GFPT2: variants seen among roughly 807,000 people sequenced by gnomAD.
GFPT2 encodes the protein glutamine--fructose-6-phosphate aminotransferase [isomerizing] 2.
GFPT2 carries 62 observed loss-of-function variants against 85.6 expected under a neutral mutation model. The observed-to-expected ratio is 0.72, with a 90% CI of 0.59 to 0.90. The LOEUF is 0.90. GFPT2 is among the 40% of genes least tolerant of loss of function. The pLI, the probability that GFPT2 is intolerant of heterozygous loss-of-function variation, is 0.00. For missense variants in GFPT2, 788 were observed against 893.4 expected, an observed-to-expected ratio of 0.88 and a Z score of 1.50; for synonymous variants, 368 against 344.5, an observed-to-expected ratio of 1.07 and a Z score of -0.75.
At chr5:180,338,173 G>C (rs1031666098) in intron 2 of GFPT2, among the ~76,000 whole-genome samples, 13 of 152,148 alleles carry the variant, frequency 8.5e-5, no homozygotes, top group African/African-American at 2.9e-4. Flanking sequence ...ATACAGTGTT[G>C]CTCAAGTCAG....
chr5:180,327,866 C>T (rs1764237617), intron 7 of GFPT2, among the ~76,000 whole-genome samples: 2 of 152,170 alleles, frequency 1.3e-5, no homozygotes, highest in African/African-American at 2.4e-5. Context: ...CTCTGCTGTA[C>T]TGGATCCAAA....
intron 14 of GFPT2, among the ~76,000 whole-genome samples, chr5:180,312,799 C>CA (rs1763919586): frequency 6.6e-6 from 1 of 151,914 alleles, no homozygotes; most frequent in East Asian, 1.9e-4. Context: ...GTTTTTGAGA[C>CA]AAAGTCTTGC....
intron 13 of GFPT2, 96 bp from the exon 14 acceptor site, chr5:180,314,060 G>A: frequency 2.4e-6 from 3 of 1,269,806 alleles, no homozygotes; most frequent in South Asian, 1.5e-5. Context: ...CAGGGAAATC[G>A]GCGCCCGAGA....
intron 9 of GFPT2, among the ~76,000 whole-genome samples, chr5:180,320,140 C>T (rs953072746): frequency 6.6e-6 from 1 of 151,976 alleles, no homozygotes; most frequent in African/African-American, 2.4e-5. Flanking sequence ...CTACAGGTGC[C>T]CGACACCATG....
At chr5:180,305,111 G>T (rs1763750021) in intron 16 of GFPT2, among the ~76,000 whole-genome samples, 172 bp from the exon 17 acceptor site, 1 of 152,134 alleles carries the variant, frequency 6.6e-6, no homozygotes. Flanking sequence ...CACCCAGCAA[G>T]GGCCTGGGGA....
At position 180,328,364 on chromosome 5, in the gene GFPT2, C is replaced by A; in HGVS notation, c.535-26G>T. ...CTGAAAACACACAAACAGTGAGGGT[C>A]AACGCGTTCCAGCAGCCGCTGCTGC... On this transcript the variant is annotated intron_variant, in intron 6 of 18. Coordinates refer to ENST00000253778, the MANE Select transcript of GFPT2 (RefSeq NM_005110.4). The surrounding 1 kb of genome is among the most constrained non-coding windows in gnomAD (Gnocchi z 5.4). 1 of 1,589,438 alleles carries A rather than the reference C, an allele frequency of 6.3e-7. No homozygotes were observed. Among genetic ancestry groups the A allele is most frequent in the South Asian group, 1.1e-5 (1 of 90,556 alleles).
chr5:180,336,789 C>T (rs2303011), intron 2 of GFPT2, among the ~76,000 whole-genome samples: 19,238 of 152,260 alleles, frequency 0.13, 1,484 homozygotes, highest in East Asian at 0.21. Flanking sequence ...TCCTCCAGGC[C>T]GCAGCTGCCC....
At chr5:180,314,961 C>T (rs2127649339) in intron 13 of GFPT2, among the ~76,000 whole-genome samples, 1 of 152,260 alleles carries the variant, frequency 6.6e-6, no homozygotes, top group South Asian at 2.1e-4. Flanking sequence ...CTGGTGGGAT[C>T]AGAAACCCAA....
intron 13 of GFPT2, among the ~76,000 whole-genome samples, chr5:180,314,411 A>C (rs12173080): frequency 0.68 from 104,035 of 152,072 alleles, 35,801 homozygotes; most frequent in East Asian, 0.84. Flanking sequence ...TCTCAGCTAG[A>C]TCCTGTTTGA....
At chr5:180,321,357 A>G (rs1764116158) in intron 9 of GFPT2, among the ~76,000 whole-genome samples, 1 of 152,212 alleles carries the variant, frequency 6.6e-6, no homozygotes. Context: ...TAATTATTTT[A>G]TTTCCAAAAT....
At position 180,313,919 on chromosome 5, in the gene GFPT2, C is replaced by T. The variant is rs765218880; in HGVS notation, c.1319G>A (p.Arg440His). 1.5e-5 allele frequency: 24 copies of T among 1,605,512 alleles called. No homozygotes were observed. Among genetic ancestry groups the T allele is most frequent in the African/African-American group, 6.7e-5 (5 of 74,862 alleles). The change falls in exon 14 of 19, where the codon CGC becomes CAC. Residue 440 changes from arginine to histidine, a missense_variant. Transcript: ENST00000253778. ...TLLALRYCKD[R>H]GALTVGVTNT... is the part of the protein sequence containing the mutation. ...GGTGACGCCCACGGTGAGAGCGCCG[C>T]GGTCCTTACAGTAGCGCAGCGCCAG...
rs776806001 is a variant in GFPT2 at position 180,323,359 on chromosome 5, G to A, written c.794+829C>T. ...CCCGTTTCCCAGGAGACCCGGCCTG[G>A]TGTCCTCCCTGCCTCACAGCACGGC... On this transcript the variant is annotated intron_variant, in intron 9 of 18. Coordinates refer to ENST00000253778, the MANE Select transcript of GFPT2 (RefSeq NM_005110.4). The surrounding 1 kb of genome is among the most constrained non-coding windows in gnomAD (Gnocchi z 4.0). Among the ~76,000 whole-genome samples the A allele has an allele frequency of 1.3e-5, 2 of 152,138 alleles. No homozygotes were observed. Among genetic ancestry groups the A allele is most frequent in the Non-Finnish European group, 2.9e-5 (2 of 68,032 alleles).
chr5:180,331,302 GT>G lies in GFPT2; in HGVS notation c.399+192del, dbSNP rs1764295476. The G allele has an allele frequency of 1.7e-5, 10 of 593,024 alleles. No individual in the cohort carries two copies. The South Asian group carries it at 2.2e-4, about 13-fold the overall frequency. 36.7% of individuals were successfully genotyped at this position (593,024 alleles called of 1,614,324 possible). A position where few individuals can be genotyped will look rare whatever the true frequency, so the allele number is the denominator to read the frequency against. ...CCCTTGAGATAAACACTAATGCCCTGTTATCTCCTCAAACGAGATCTGCAGG... is the reference window on the plus strand; with the variant it reads ...CCCTTGAGATAAACACTAATGCCCTGTATCTCCTCAAACGAGATCTGCAGG... On this transcript the variant is annotated intron_variant, in intron 5 of 18. Transcript: ENST00000253778.
chr5:180,332,989 G>C (rs1764332577), intron 4 of GFPT2, among the ~76,000 whole-genome samples: 1 of 152,064 alleles, frequency 6.6e-6, no homozygotes, highest in East Asian at 1.9e-4. Flanking sequence ...AAAAATTGTA[G>C]TGTTTGTTTT....
At chr5:180,352,293 C>T (rs1434907968) in intron 1 of GFPT2, 38 of 398,122 alleles carry the variant, frequency 9.5e-5, no homozygotes, top group African/African-American at 6.4e-4. Context: ...TCCTCCAGGT[C>T]CTCCAGCCAC....
At chr5:180,331,051 T>C in intron 5 of GFPT2, 1 of 567,998 alleles carries the variant, frequency 1.8e-6, no homozygotes, top group Non-Finnish European at 3.1e-6. Flanking sequence ...AGCTCACCCT[T>C]GCCACTAATC....
At chr5:180,352,684 C>T (rs1764737244) in intron 1 of GFPT2, 1 of 434,482 alleles carries the variant, frequency 2.3e-6, no homozygotes, top group Non-Finnish European at 4.6e-6. Context: ...ACGCGCAGGC[C>T]CTGCCTGAGG....
Position 180,353,194 on chromosome 5 carries a change from G to A in GFPT2, c.7+17C>T. On this transcript the variant is annotated intron_variant, in intron 1 of 18. Coordinates refer to ENST00000253778, the MANE Select transcript of GFPT2 (RefSeq NM_005110.4). The stretch of plus-strand genomic sequence containing the variant: ...GGACGGCGTGGAGGAGGCGGCTCGG[G>A]CGGGCGCGGCACTCACCGCACATCG... The A allele has an allele frequency of 8.1e-7, 1 of 1,235,602 alleles. No homozygotes were observed. The highest frequency in any genetic ancestry group is 1.0e-6 in the Non-Finnish European group (1 of 987,450). 76.5% of individuals were successfully genotyped at this position (1,235,602 alleles called of 1,614,324 possible).
At chr5:180,332,665 G>C (rs1764326207) in intron 4 of GFPT2, among the ~76,000 whole-genome samples, 2 of 152,102 alleles carry the variant, frequency 1.3e-5, no homozygotes, top group South Asian at 4.1e-4. Context: ...AGCCTCCCAA[G>C]TAGCTGGAAT....
Sources: allele counts gnomAD v4.1 joint callset (sites outside exome capture counted in the v4.1 genomes callset), GRCh38; gene constraint gnomAD v4.1.1; non-coding constraint Gnocchi (gnomAD v3.1); transcripts MANE v1.5; gene names NCBI Gene and HGNC (gene_info 2026-07-23, HGNC 2026-07-21).